The following PPFIA2 variants were observed in gnomAD, a reference collection of about 807,000 sequenced individuals.
PPFIA2 encodes the protein PPFI scaffold protein A2.
PPFIA2 carries 46 observed loss-of-function variants against 175.5 expected under a neutral mutation model. The observed-to-expected ratio is 0.26, with a 90% CI of 0.21 to 0.34. PPFIA2 has a LOEUF of 0.34. Ranked by LOEUF, PPFIA2 falls within the 10% of genes least tolerant of loss-of-function variation. The probability of loss-of-function intolerance (pLI) is 1.00; values close to 1 mark genes in which losing one functional copy is unlikely to be tolerated. For missense variants in PPFIA2, 1,179 were observed against 1,506.1 expected (o/e 0.78, Z 3.60); for synonymous variants, 568 against 511.4 (o/e 1.11, Z -1.49).
chr12:81,532,967 A>AT (rs5799537), intron 4 of PPFIA2, among the ~76,000 whole-genome samples: 4,157 of 150,946 alleles, frequency 0.028, 174 homozygotes, highest in African/African-American at 0.09. Flanking sequence ...ATATCATTTA[A>AT]TTTTTTTTTG....
At chr12:81,647,732 G>T (rs2066355371) in intron 4 of PPFIA2, among the ~76,000 whole-genome samples, 1 of 147,672 alleles carries the variant, frequency 6.8e-6, no homozygotes, top group Non-Finnish European at 1.5e-5. Context: ...CTACACTCCA[G>T]CCTGGTCAAC....
chr12:81,383,306 A>C (rs937369371), intron 9 of PPFIA2, among the ~76,000 whole-genome samples: 3 of 152,200 alleles, frequency 2.0e-5, no homozygotes, highest in African/African-American at 7.2e-5. Flanking sequence ...AAAGTCAGAA[A>C]ACGCAATTTC....
intron 22 of PPFIA2, among the ~76,000 whole-genome samples, chr12:81,301,662 A>C (rs1333915418): frequency 6.6e-6 from 1 of 152,008 alleles, no homozygotes. Context: ...CTCTGACTAA[A>C]CTCCCATCTC....
intron 11 of PPFIA2, among the ~76,000 whole-genome samples, chr12:81,373,959 C>T (rs10862300): frequency 0.26 from 39,430 of 151,860 alleles, 7,407 homozygotes; most frequent in African/African-American, 0.5. Flanking sequence ...GTGACATATA[C>T]ATACACTTTG....
intron 22 of PPFIA2, among the ~76,000 whole-genome samples, chr12:81,305,714 C>T (rs1437117225): frequency 6.6e-6 from 1 of 152,174 alleles, no homozygotes; most frequent in Admixed American, 6.5e-5. Flanking sequence ...TTCCGCTACA[C>T]TATAATCTCC....
chr12:81,645,726 G>A (rs1595951675), intron 4 of PPFIA2, among the ~76,000 whole-genome samples: 1 of 152,218 alleles, frequency 6.6e-6, no homozygotes, highest in Non-Finnish European at 1.5e-5. Flanking sequence ...AGTGAAAGCA[G>A]CCATAAAAGT....
At chr12:81,562,052 A>G (rs538933006) in intron 4 of PPFIA2, among the ~76,000 whole-genome samples, 2 of 152,318 alleles carry the variant, frequency 1.3e-5, no homozygotes, top group South Asian at 4.1e-4. Context: ...ATAAGTTAAT[A>G]TTGACAGTAC....
chr12:81,670,132 T>C lies in PPFIA2; in HGVS notation c.303+6659A>G, dbSNP rs143285124. 4.3e-3 allele frequency among the ~76,000 whole-genome samples: 658 copies of C among 152,024 alleles called. 6 individuals are homozygous for C. The highest frequency in any genetic ancestry group is 0.015 in the African/African-American group (620 of 41,518). On this transcript the variant is annotated intron_variant, in intron 4 of 32. Transcript: ENST00000549396. Reference sequence around the variant, plus strand: ...AAGAGTGATAGAGGGAATCAGAAGTTCAATTTTTAACTTGTTATGTTTTAA... The same window carrying C: ...AAGAGTGATAGAGGGAATCAGAAGTCCAATTTTTAACTTGTTATGTTTTAA...
chr12:81,506,745 G>A (rs2061214255), intron 4 of PPFIA2, among the ~76,000 whole-genome samples: 1 of 152,126 alleles, frequency 6.6e-6, no homozygotes, highest in Non-Finnish European at 1.5e-5. Context: ...CTTTATTTCT[G>A]CAAAGGGCCA....
chr12:81,493,039 C>G (rs2059585007), intron 4 of PPFIA2, among the ~76,000 whole-genome samples: 1 of 151,928 alleles, frequency 6.6e-6, no homozygotes, highest in Non-Finnish European at 1.5e-5. Context: ...TGGAAGATGA[C>G]TCAGAGTTTT....
intron 27 of PPFIA2, among the ~76,000 whole-genome samples, chr12:81,278,498 C>A (rs924022300): frequency 1.3e-5 from 2 of 149,940 alleles, no homozygotes; most frequent in Non-Finnish European, 2.9e-5. Flanking sequence ...CCAGATCGTG[C>A]CACCGCACTC....
chr12:81,538,277 G>C (rs2065692917), intron 4 of PPFIA2, among the ~76,000 whole-genome samples: 1 of 151,870 alleles, frequency 6.6e-6, no homozygotes, highest in Non-Finnish European at 1.5e-5. Flanking sequence ...ATATTATCAT[G>C]ACAATATTAA....
At chr12:81,410,947 A>G (rs2043851025) in intron 7 of PPFIA2, among the ~76,000 whole-genome samples, 2 of 152,172 alleles carry the variant, frequency 1.3e-5, no homozygotes, top group South Asian at 4.1e-4. Flanking sequence ...GCATCCTTAA[A>G]TCATTCCTAC....
rs1297524672 is a variant in PPFIA2 at position 81,642,710 on chromosome 12, G to A, written c.303+34081C>T. The stretch of plus-strand genomic sequence containing the variant: ...ATTATATACATACATGTATATGTAT[G>A]TATGTATTATATACATACATGTATA... On this transcript the variant is annotated intron_variant, in intron 4 of 32. Transcript: ENST00000549396. Among the ~76,000 whole-genome samples the A allele has an allele frequency of 1.3e-4, 10 of 75,702 alleles. 3 individuals are homozygous for A. Among genetic ancestry groups the A allele is most frequent in the East Asian group, 8.3e-4 (2 of 2,410 alleles). The allele number at this position is 75,702 out of a possible 152,430, so 49.7% of individuals were successfully genotyped here. A position where few individuals can be genotyped will look rare whatever the true frequency, so the allele number is the denominator to read the frequency against.
At chr12:81,514,108 A>G (rs1405323441) in intron 4 of PPFIA2, among the ~76,000 whole-genome samples, 1 of 151,964 alleles carries the variant, frequency 6.6e-6, no homozygotes, top group Non-Finnish European at 1.5e-5. Context: ...CTGCCTCACT[A>G]GAACTTCCAG....
At chr12:81,272,407 G>C (rs1480827477) in intron 28 of PPFIA2, among the ~76,000 whole-genome samples, 1 of 151,954 alleles carries the variant, frequency 6.6e-6, no homozygotes, top group Non-Finnish European at 1.5e-5. Flanking sequence ...TCATATGTGG[G>C]CTAGATGTTT....
intron 5 of PPFIA2, among the ~76,000 whole-genome samples, chr12:81,450,397 T>G (rs1232858481): frequency 1.3e-5 from 2 of 152,238 alleles, no homozygotes; most frequent in Non-Finnish European, 2.9e-5. Context: ...CCAGTGATGG[T>G]GAGCATTTTT....
intron 4 of PPFIA2, among the ~76,000 whole-genome samples, chr12:81,607,078 C>T (rs1056654931): frequency 3.9e-5 from 6 of 152,052 alleles, no homozygotes; most frequent in Non-Finnish European, 7.4e-5. Context: ...GAGTCACCTC[C>T]TCATGGCTTG....
At chr12:81,562,240 T>C (rs2070256117) in intron 4 of PPFIA2, among the ~76,000 whole-genome samples, 1 of 152,172 alleles carries the variant, frequency 6.6e-6, no homozygotes, top group Non-Finnish European at 1.5e-5. Context: ...AAAAATTGAA[T>C]ACATCTAAAA....
Sources: gnomAD v4.1 joint callset for allele counts (sites outside exome capture counted in the v4.1 genomes callset) on GRCh38, gnomAD v4.1.1 for gene constraint, MANE v1.5 for transcripts, NCBI Gene and HGNC (gene_info 2026-07-23, HGNC 2026-07-21) for gene names.